Variants in AADAC observed in about 807,000 individuals in gnomAD.
AADAC encodes arylacetamide deacetylase, also known as arylacetamide deacetylase (esterase).
AADAC carries 17 observed loss-of-function variants against 22.7 expected under a neutral mutation model. The ratio of observed to expected loss-of-function variants is 0.75; its 90% CI spans 0.51 to 1.12. AADAC has a LOEUF of 1.12. AADAC is among the 50% of genes most tolerant of loss of function. The pLI is 0.00. For synonymous variants in AADAC, 167 were observed against 176.3 expected, an observed-to-expected ratio of 0.95 and a Z score of 0.42; for missense variants, 465 against 473.9, an observed-to-expected ratio of 0.98 and a Z score of 0.17.
In AADAC at chr3:151,828,160, G is replaced by A; in HGVS notation, c.1188G>A (p.Lys396=). Residue 396 remains lysine, a synonymous_variant, in exon 5 of 5, where the codon AAG becomes AAA. Coordinates refer to ENST00000232892, the MANE Select transcript of AADAC (RefSeq NM_001086.3). ...RLINQYIEWL[K]ENL The stretch of plus-strand genomic sequence containing the variant: ...TAAATCAGTATATTGAGTGGCTAAA[G>A]GAAAATCTATAGTAAAACATGTAGC... The A allele has an allele frequency of 1.3e-6, 2 of 1,525,686 alleles. No individual in the cohort carries two copies. The highest frequency in any genetic ancestry group is 1.3e-5 in the South Asian group (1 of 79,618). 94.5% of individuals were successfully genotyped at this position (1,525,686 alleles called of 1,614,324 possible).
At chr3:151,825,342 G>A (rs991774740) in intron 4 of AADAC, among the ~76,000 whole-genome samples, 16 of 151,908 alleles carry the variant, frequency 1.1e-4, no homozygotes, top group Non-Finnish European at 1.5e-4. Flanking sequence ...ACAGTAAGGT[G>A]TAATCGTGCC....
intron 4 of AADAC, among the ~76,000 whole-genome samples, chr3:151,827,083 T>A (rs550063123): frequency 1.3e-5 from 2 of 151,762 alleles, no homozygotes; most frequent in Admixed American, 6.6e-5. Context: ...CCTGGCTAAT[T>A]TTTGTATTTT....
intron 3 of AADAC, among the ~76,000 whole-genome samples, chr3:151,822,816 G>T (rs1428182043): frequency 6.6e-6 from 1 of 151,824 alleles, no homozygotes; most frequent in African/African-American, 2.4e-5. Context: ...AATTGATTGT[G>T]GCAATGGTTG....
chr3:151,814,201 C>G lies in AADAC; in HGVS notation c.39C>G (p.Ile13Met). The change falls in exon 1 of 5, where the codon ATC (isoleucine) becomes ATG (methionine). Residue 13 changes from isoleucine to methionine, a missense_variant. By Grantham distance (10) the Ile-to-Met change is conservative. Coordinates refer to ENST00000232892, the MANE Select transcript of AADAC (RefSeq NM_001086.3). ...CGCTGTACCTTCTGATTGTGGGGAT[C>G]CTCATAGCATATTATATTTATACGC... ...RKSLYLLIVGILIAYYIYTPL... is the reference protein window; with the variant it reads ...RKSLYLLIVGMLIAYYIYTPL... 2 of 1,613,238 alleles carry G rather than the reference C, an allele frequency of 1.2e-6. No homozygotes were observed. Among genetic ancestry groups the G allele is most frequent in the East Asian group, 4.5e-5 (2 of 44,868 alleles).
chr3:151,822,353 T>C (rs1467584644), intron 3 of AADAC, among the ~76,000 whole-genome samples: 2 of 151,982 alleles, frequency 1.3e-5, no homozygotes, highest in Non-Finnish European at 2.9e-5. Context: ...AACTTGTATG[T>C]TCACAGAAGC....
At chr3:151,826,523 C>A (rs1716502503) in intron 4 of AADAC, among the ~76,000 whole-genome samples, 1 of 151,824 alleles carries the variant, frequency 6.6e-6, no homozygotes, top group African/African-American at 2.4e-5. Flanking sequence ...CTACAATTTG[C>A]AAAATATTTG....
intron 3 of AADAC, among the ~76,000 whole-genome samples, chr3:151,824,282 T>C (rs1350132984): frequency 6.6e-6 from 1 of 151,962 alleles, no homozygotes; most frequent in Non-Finnish European, 1.5e-5. Context: ...GCAATGTGAA[T>C]GAGGCTCAAA....
rs1020344644 is a variant in AADAC at position 151,828,293 on chromosome 3, A to G, written c.*121A>G. The G allele has an allele frequency of 4.0e-6, 2 of 505,488 alleles. No individual in the cohort carries two copies. Among genetic ancestry groups the G allele is most frequent in the African/African-American group, 4.0e-5 (2 of 50,162 alleles). 31.3% of individuals were successfully genotyped at this position (505,488 alleles called of 1,614,324 possible). ...GTTCCACATGTAGCATAATTCTTAA[A>G]TAGGCACTTTTCTGTTTTTTTTTTC... is the stretch of plus-strand genomic sequence containing the variant. On this transcript the variant is annotated 3_prime_UTR_variant, in exon 5 of 5. Coordinates refer to ENST00000232892, the MANE Select transcript of AADAC (RefSeq NM_001086.3).
At position 151,814,219 on chromosome 3, in the gene AADAC, T is replaced by G; in HGVS notation, c.57T>G (p.Ile19Met). ...TGGGGATCCTCATAGCATATTATAT[T>G]TATACGCCTCTCCCAGATAACGTTG... ...LIVGILIAYY[I>M]YTPLPDNVEE... Residue 19 changes from isoleucine (I) to methionine (M), a missense_variant, in exon 1 of 5, where the codon ATT becomes ATG. Physicochemically the swap from Ile to Met is conservative, Grantham distance 10. Transcript: ENST00000232892. 9 of 1,613,252 alleles carry G rather than the reference T, an allele frequency of 5.6e-6. No homozygotes were observed. Among genetic ancestry groups the G allele is most frequent in the Non-Finnish European group, 7.6e-6 (9 of 1,179,388 alleles).
intron 3 of AADAC, among the ~76,000 whole-genome samples, chr3:151,821,341 G>A (rs957712778): frequency 6.6e-6 from 1 of 151,852 alleles, no homozygotes; most frequent in Non-Finnish European, 1.5e-5. Context: ...AAATAGATGA[G>A]TTCATATAAA....
chr3:151,819,792 G>C (rs900611347), intron 2 of AADAC, among the ~76,000 whole-genome samples: 1 of 94,118 alleles, frequency 1.1e-5, no homozygotes, highest in East Asian at 2.4e-4. Context: ...TCTTAGACAA[G>C]AGAAAAAGAG....
intron 3 of AADAC, among the ~76,000 whole-genome samples, chr3:151,823,148 G>C (rs1285405669): frequency 6.6e-6 from 1 of 151,590 alleles, no homozygotes; most frequent in Non-Finnish European, 1.5e-5. Context: ...TGTGGTGGTG[G>C]GCACCTGTAA....
chr3:151,827,346 A>G (rs1716540966), intron 4 of AADAC, among the ~76,000 whole-genome samples: 1 of 152,034 alleles, frequency 6.6e-6, no homozygotes, highest in Admixed American at 6.6e-5. Flanking sequence ...CATATATGAC[A>G]GATGATTTTC....
In AADAC at chr3:151,827,969, C is replaced by G. The variant is rs1330099599; in HGVS notation, c.997C>G (p.Pro333Ala). Reference protein sequence around the residue: ...LADDNKLRGLPLTYVITCQYD... With the variant: ...LADDNKLRGLALTYVITCQYD... Reference sequence around the variant, plus strand: ...TGATGACAACAAATTACGTGGCTTACCCCTGACCTATGTCATCACCTGTCA... The same window carrying G: ...TGATGACAACAAATTACGTGGCTTAGCCCTGACCTATGTCATCACCTGTCA... Residue 333 changes from proline to alanine, a missense_variant, in exon 5 of 5, where the codon CCC becomes GCC. Pro to Ala is a conservative substitution (Grantham distance 27). Transcript: ENST00000232892. 1 of 1,612,356 alleles carries G rather than the reference C, an allele frequency of 6.2e-7. No homozygotes were observed. The highest frequency in any genetic ancestry group is 8.5e-7 in the Non-Finnish European group (1 of 1,179,008).
At chr3:151,820,348 T>G in intron 2 of AADAC, 35 bp from the exon 3 acceptor site, 1 of 1,487,894 alleles carries the variant, frequency 6.7e-7, no homozygotes. Flanking sequence ...ATTTGTCTGT[T>G]TTACTAATAT....
chr3:151,824,423 A>G (rs190978119), intron 3 of AADAC, among the ~76,000 whole-genome samples: 2 of 152,140 alleles, frequency 1.3e-5, no homozygotes, highest in East Asian at 1.9e-4. Flanking sequence ...TCAGGAATTA[A>G]AGAGAGTAAA....
At chr3:151,826,645 A>G (rs1247458561) in intron 4 of AADAC, among the ~76,000 whole-genome samples, 1 of 151,974 alleles carries the variant, frequency 6.6e-6, no homozygotes, top group Non-Finnish European at 1.5e-5. Context: ...TGTTTTCACA[A>G]TTTAAAACAT....
intron 4 of AADAC, among the ~76,000 whole-genome samples, 178 bp from the exon 5 acceptor site, chr3:151,827,398 C>T (rs1198122016): frequency 6.6e-6 from 1 of 151,860 alleles, no homozygotes; most frequent in African/African-American, 2.4e-5. Context: ...TCTAGAAACC[C>T]ATTTTGAATG....
chr3:151,818,813 T>C (rs890888307), intron 2 of AADAC, among the ~76,000 whole-genome samples: 1 of 151,994 alleles, frequency 6.6e-6, no homozygotes, highest in African/African-American at 2.4e-5. Context: ...TGTATAGAAT[T>C]ACAGCAGAAA....
Sources: gnomAD v4.1 joint callset for allele counts (sites outside exome capture counted in the v4.1 genomes callset) on GRCh38, gnomAD v4.1.1 for gene constraint, MANE v1.5 for transcripts, NCBI Gene and HGNC (gene_info 2026-07-23, HGNC 2026-07-21) for gene names.